XPR1: variants seen among roughly 807,000 people sequenced by gnomAD.
XPR1 encodes the protein solute carrier family 53 member 1.
Under a neutral mutation model 87.5 loss-of-function variants are expected in XPR1, and 28 were observed. The ratio of observed to expected loss-of-function variants is 0.32; its 90% CI spans 0.24 to 0.44. The LOEUF is 0.44. Ranked by LOEUF, XPR1 falls within the 20% of genes least tolerant of loss-of-function variation. The pLI is 1.00. For synonymous variants in XPR1, 300 were observed against 306.1 expected (o/e 0.98, Z 0.21); for missense variants, 559 against 862.3 (o/e 0.65, Z 4.41).
intron 3 of XPR1, among the ~76,000 whole-genome samples, chr1:180,801,137 C>T (rs1272285578): frequency 2.6e-5 from 4 of 152,228 alleles, no homozygotes; most frequent in Non-Finnish European, 5.9e-5. Context: ...TGCCATCTGG[C>T]CTTTCTGTTC....
At chr1:180,782,525 CAGAG>C (rs1337992270) in intron 2 of XPR1, among the ~76,000 whole-genome samples, 4 of 151,938 alleles carry the variant, frequency 2.6e-5, no homozygotes, top group South Asian at 4.2e-4. Flanking sequence ...GAGAAAGAGA[CAGAG>C]AGAGAGAAAG....
chr1:180,834,542 A>G (rs1293825879), intron 9 of XPR1, among the ~76,000 whole-genome samples: 6 of 152,212 alleles, frequency 3.9e-5, no homozygotes, highest in Admixed American at 3.9e-4. Flanking sequence ...GTATATTTTT[A>G]GATGAAAAAT....
chr1:180,772,814 A>G (rs748491949), intron 2 of XPR1, among the ~76,000 whole-genome samples: 8 of 152,204 alleles, frequency 5.3e-5, no homozygotes, highest in Non-Finnish European at 1.0e-4. Flanking sequence ...TGTAAATCCA[A>G]TAAACCTCTT....
chr1:180,874,097 G>A (rs1483498295), intron 13 of XPR1, 155 bp downstream of exon 13: 5 of 947,248 alleles, frequency 5.3e-6, no homozygotes, highest in Non-Finnish European at 7.6e-6. Context: ...GGAAAACCAT[G>A]TTGGCCAGGC....
At chr1:180,789,913 C>T (rs535065675) in intron 3 of XPR1, among the ~76,000 whole-genome samples, 1 of 152,236 alleles carries the variant, frequency 6.6e-6, no homozygotes, top group African/African-American at 2.4e-5. Context: ...TTTGTTGTTG[C>T]ACCTGTAACT....
chr1:180,774,855 A>C (rs1471575936), intron 2 of XPR1, among the ~76,000 whole-genome samples: 2 of 152,198 alleles, frequency 1.3e-5, no homozygotes, highest in Non-Finnish European at 2.9e-5. Context: ...TATTTCTCAT[A>C]GTTCTGGAGG....
intron 2 of XPR1, among the ~76,000 whole-genome samples, chr1:180,682,684 G>A (rs1656618267): frequency 6.6e-6 from 1 of 151,928 alleles, no homozygotes; most frequent in Admixed American, 6.6e-5. Context: ...AAGTTTTTCT[G>A]TGTAATGCTT....
intron 2 of XPR1, among the ~76,000 whole-genome samples, chr1:180,717,897 T>C (rs1658052140): frequency 6.6e-6 from 1 of 152,078 alleles, no homozygotes; most frequent in Non-Finnish European, 1.5e-5. Flanking sequence ...TTGAAAGTAA[T>C]GGCAAAAACC....
chr1:180,702,181 C>T (rs1453984219), intron 2 of XPR1, among the ~76,000 whole-genome samples: 2 of 89,164 alleles, frequency 2.2e-5, no homozygotes, highest in Non-Finnish European at 4.3e-5. Flanking sequence ...TTTCTGCCTT[C>T]ATTTCGTTAT....
intron 12 of XPR1, among the ~76,000 whole-genome samples, chr1:180,866,494 C>T (rs1025922181): frequency 6.6e-6 from 1 of 151,840 alleles, no homozygotes; most frequent in Non-Finnish European, 1.5e-5. Context: ...GTGTATTCCT[C>T]CTGAAAGACT....
chr1:180,710,229 T>C (rs1031575226), intron 2 of XPR1, among the ~76,000 whole-genome samples: 3 of 151,132 alleles, frequency 2.0e-5, no homozygotes, highest in Admixed American at 6.6e-5. Context: ...TAATTGATCA[T>C]TCTTGGGTGT....
chr1:180,878,511 T>C (rs1418242435), intron 13 of XPR1, among the ~76,000 whole-genome samples: 2 of 152,214 alleles, frequency 1.3e-5, no homozygotes, highest in African/African-American at 4.8e-5. Context: ...CTGACAGCGT[T>C]CTAAGCCTTT....
chr1:180,760,070 A>G (rs1182425526), intron 2 of XPR1, among the ~76,000 whole-genome samples: 1 of 152,226 alleles, frequency 6.6e-6, no homozygotes, highest in East Asian at 1.9e-4. Flanking sequence ...GCAACCCTTC[A>G]TGCTAAAAAC....
chr1:180,760,215 A>G (rs1031338230), intron 2 of XPR1, among the ~76,000 whole-genome samples: 58 of 152,262 alleles, frequency 3.8e-4, no homozygotes, highest in African/African-American at 1.3e-3. Flanking sequence ...AGACAGGGAT[A>G]CCCTCTCTTA....
intron 11 of XPR1, among the ~76,000 whole-genome samples, chr1:180,839,236 G>A (rs1651420003): frequency 6.6e-6 from 1 of 152,084 alleles, no homozygotes; most frequent in Non-Finnish European, 1.5e-5. Flanking sequence ...TTTCTTGGTT[G>A]AAAGCAAAGA....
At chr1:180,882,744 A>G (rs925993440) in intron 14 of XPR1, among the ~76,000 whole-genome samples, 1 of 152,178 alleles carries the variant, frequency 6.6e-6, no homozygotes, top group African/African-American at 2.4e-5. Flanking sequence ...AACTTTAACA[A>G]TTTGATCCTA....
At chr1:180,747,783 C>T (rs1647321476) in intron 2 of XPR1, among the ~76,000 whole-genome samples, 1 of 152,104 alleles carries the variant, frequency 6.6e-6, no homozygotes, top group African/African-American at 2.4e-5. Flanking sequence ...CGAAGCAAGC[C>T]AGTCAGTTTC....
At chr1:180,832,342 C>A (rs927957415) in intron 9 of XPR1, among the ~76,000 whole-genome samples, 1 of 152,102 alleles carries the variant, frequency 6.6e-6, no homozygotes, top group African/African-American at 2.4e-5. Context: ...TATAGGTTGC[C>A]TGTTCACTCT....
chr1:180,813,045 C>CCCG (rs1650281087), intron 7 of XPR1, among the ~76,000 whole-genome samples: 2 of 145,164 alleles, frequency 1.4e-5, no homozygotes, highest in African/African-American at 2.5e-5. Flanking sequence ...TTTTTTCCCC[C>CCCG]CCCCCAATGG....
Sources: allele counts gnomAD v4.1 joint callset (sites outside exome capture counted in the v4.1 genomes callset), GRCh38; gene constraint gnomAD v4.1.1; transcripts MANE v1.5; gene names NCBI Gene and HGNC (gene_info 2026-07-23, HGNC 2026-07-21).